Variants in EHBP1 observed in about 807,000 individuals in gnomAD.
The protein encoded by EHBP1 is EH domain-binding protein 1.
In EHBP1, 55 loss-of-function variants were observed where a neutral mutation model predicts 144.0. The ratio of observed to expected loss-of-function variants is 0.38; its 90% CI spans 0.31 to 0.48. EHBP1 has a LOEUF of 0.48. EHBP1 is among the 20% of genes least tolerant of loss of function. The pLI is 0.98. For missense variants in EHBP1, 1,200 were observed against 1,364.2 expected, an observed-to-expected ratio of 0.88 and a Z score of 1.90; for synonymous variants, 469 against 472.7, an observed-to-expected ratio of 0.99 and a Z score of 0.10.
At chr2:62,928,077 C>T (rs2055674215) in intron 10 of EHBP1, among the ~76,000 whole-genome samples, 1 of 152,104 alleles carries the variant, frequency 6.6e-6, no homozygotes, top group Non-Finnish European at 1.5e-5. Flanking sequence ...ACTTCTGGGA[C>T]ACAATGAAAG....
Position 63,032,228 on chromosome 2 carries a change from G to A in EHBP1, c.3104-5307G>A, listed in dbSNP as rs1471200302. On this transcript the variant is annotated intron_variant, in intron 19 of 22. Transcript: ENST00000431489. ...GTGCACATGTACCCTACAACTTAAA[G>A]TATAATTTAAAAAATAAATAAATAA... 4.9e-4 allele frequency among the ~76,000 whole-genome samples: 71 copies of A among 145,182 alleles called. 5 individuals carry two copies. Among genetic ancestry groups the A allele is most frequent in the Admixed American group, 1.4e-4 (2 of 14,412 alleles).
chr2:62,811,290 T>C (rs938006030), intron 5 of EHBP1, among the ~76,000 whole-genome samples: 1 of 152,234 alleles, frequency 6.6e-6, no homozygotes, highest in African/African-American at 2.4e-5. Flanking sequence ...TGCTTCAGCA[T>C]TTAATTGCTC....
At chr2:62,720,789 C>T (rs555635219) in intron 2 of EHBP1, among the ~76,000 whole-genome samples, 126 of 152,180 alleles carry the variant, frequency 8.3e-4, no homozygotes, top group African/African-American at 2.9e-3. Context: ...TTGTCTTGGG[C>T]CATGTAAAAT....
At chr2:62,824,828 A>G (rs2046234543) in intron 5 of EHBP1, among the ~76,000 whole-genome samples, 1 of 151,958 alleles carries the variant, frequency 6.6e-6, no homozygotes, top group Non-Finnish European at 1.5e-5. Flanking sequence ...TAATATTTTG[A>G]TTAAATTAGT....
chr2:62,873,533 G>T (rs1558833308), intron 9 of EHBP1, among the ~76,000 whole-genome samples: 1 of 151,918 alleles, frequency 6.6e-6, no homozygotes, highest in African/African-American at 2.4e-5. Context: ...AGAGAATAGA[G>T]AAAATACAGA....
rs1216255227 is a variant in EHBP1, at chr2:63,038,798, G to A, written c.3259G>A (p.Ala1087Thr). ...TGAGCTGCTGAACCGGGAATTGAGG[G>A]CAATGCTAGCCATTGAAGGTAAGAA... ...RYELLNRELR[A>T]MLAIEDWQKT... The change falls in exon 21 of 23, where the codon GCA (alanine) becomes ACA (threonine). Residue 1087 changes from alanine (A) to threonine (T), a missense_variant. Physicochemically the swap from Ala to Thr is moderately conservative, Grantham distance 58. This residue lies in a region of EHBP1 where 149 missense variants were observed against 217.0 expected (regional missense o/e 0.69). Transcript: ENST00000431489. 1.2e-6 allele frequency: 2 copies of A among 1,613,330 alleles called. No individual in the cohort carries two copies. The highest frequency in any genetic ancestry group is 1.7e-6 in the Non-Finnish European group (2 of 1,179,394).
chr2:62,709,285 A>G (rs1410038304), intron 2 of EHBP1, among the ~76,000 whole-genome samples: 1 of 152,094 alleles, frequency 6.6e-6, no homozygotes, highest in Non-Finnish European at 1.5e-5. Flanking sequence ...GATGAGGGAG[A>G]AGAAAAGGGC....
chr2:62,803,956 G>A (rs2044244886), intron 5 of EHBP1, among the ~76,000 whole-genome samples: 1 of 152,140 alleles, frequency 6.6e-6, no homozygotes, highest in Admixed American at 6.5e-5. Flanking sequence ...AATGGGAGTA[G>A]TAATACTATC....
chr2:62,844,729 G>A (rs1356730776), intron 7 of EHBP1, among the ~76,000 whole-genome samples: 5 of 152,178 alleles, frequency 3.3e-5, no homozygotes, highest in Non-Finnish European at 7.3e-5. Context: ...GCAGTTTACA[G>A]TAAGCATTGT....
intron 10 of EHBP1, among the ~76,000 whole-genome samples, chr2:62,901,205 G>A (rs2053384018): frequency 6.6e-6 from 1 of 152,070 alleles, no homozygotes; most frequent in Non-Finnish European, 1.5e-5. Context: ...TGAGTTACGA[G>A]CCTATTAAAA....
At chr2:62,814,972 GA>G (rs1187241109) in intron 5 of EHBP1, among the ~76,000 whole-genome samples, 2 of 152,076 alleles carry the variant, frequency 1.3e-5, no homozygotes, top group Non-Finnish European at 1.5e-5. Flanking sequence ...GGTACAATAT[GA>G]AAAAAATCTT....
At chr2:62,811,472 A>G (rs1207714419) in intron 5 of EHBP1, among the ~76,000 whole-genome samples, 2 of 152,244 alleles carry the variant, frequency 1.3e-5, no homozygotes, top group Non-Finnish European at 2.9e-5. Flanking sequence ...ATCATTTGAC[A>G]GTAGAATTTA....
chr2:62,992,188 G>T (rs2059440626), intron 16 of EHBP1, among the ~76,000 whole-genome samples: 1 of 152,032 alleles, frequency 6.6e-6, no homozygotes, highest in South Asian at 2.1e-4. Flanking sequence ...AAATTTAGCT[G>T]TGTTTGTTTA....
intron 19 of EHBP1, among the ~76,000 whole-genome samples, chr2:63,009,515 C>G (rs1183193861): frequency 6.6e-6 from 1 of 151,482 alleles, no homozygotes; most frequent in Non-Finnish European, 1.5e-5. Flanking sequence ...AGGTATTTTT[C>G]TCACCATAAG....
At chr2:62,815,983 T>C (rs993370583) in intron 5 of EHBP1, among the ~76,000 whole-genome samples, 3 of 152,242 alleles carry the variant, frequency 2.0e-5, no homozygotes, top group African/African-American at 7.2e-5. Flanking sequence ...AAGAAGTTCA[T>C]TGATAAAGTT....
intron 1 of EHBP1, among the ~76,000 whole-genome samples, chr2:62,681,340 G>GTGTATATA (rs1171760462): frequency 8.5e-5 from 5 of 58,552 alleles, no homozygotes; most frequent in African/African-American, 4.3e-4. Flanking sequence ...ATGTGTGTGT[G>GTGTATATA]TATATATATA....
At chr2:63,025,290 T>G (rs1214133687) in intron 19 of EHBP1, among the ~76,000 whole-genome samples, 1 of 152,172 alleles carries the variant, frequency 6.6e-6, no homozygotes, top group Non-Finnish European at 1.5e-5. Flanking sequence ...TAGACAGGGT[T>G]TTGATCTGTC....
At chr2:62,826,433 A>G in intron 6 of EHBP1, 165 bp downstream of exon 6, 1 of 552,804 alleles carries the variant, frequency 1.8e-6, no homozygotes. Context: ...ACTTATAAAT[A>G]GTCTCTTTTG....
chr2:62,874,438 G>A lies in EHBP1; in HGVS notation c.1091G>A (p.Arg364Lys). 1 of 1,613,754 alleles carries A rather than the reference G, an allele frequency of 6.2e-7. No homozygotes were observed. The highest frequency in any genetic ancestry group is 2.2e-5 in the East Asian group (1 of 44,856). ...CTAGAAACTGAAAGGCGAGTGAAAA[G>A]AAAGGCCCCGGCTCCACCAGTCCTC... ...QELETERRVK[R>K]KAPAPPVLSP... The change falls in exon 10 of 23, where the codon AGA becomes AAA. Residue 364 changes from arginine (R) to lysine (K), a missense_variant. Physicochemically the swap from Arg to Lys is conservative, Grantham distance 26 (BLOSUM62 2). This residue lies in a region of EHBP1 where 266 missense variants were observed against 262.4 expected (regional missense o/e 1.01). Transcript: ENST00000431489.
Sources: allele counts gnomAD v4.1 joint callset (sites outside exome capture counted in the v4.1 genomes callset), GRCh38; gene constraint gnomAD v4.1.1; regional missense constraint gnomAD v4.1.1; transcripts MANE v1.5; gene names NCBI Gene and HGNC (gene_info 2026-07-23, HGNC 2026-07-21).